SHISAL2B: variants seen among roughly 807,000 people sequenced by gnomAD.
SHISAL2B encodes shisa like 2B, also known as protein shisa-like-2B.
In SHISAL2B, 12 loss-of-function variants were observed where a neutral mutation model predicts 16.5. The observed-to-expected ratio is 0.73, with a 90% CI of 0.47 to 1.18. The LOEUF is 1.18. SHISAL2B is among the 50% of genes most tolerant of loss of function. SHISAL2B has a pLI of 0.00. For synonymous variants in SHISAL2B, 72 were observed against 75.0 expected (o/e 0.96, Z 0.21); for missense variants, 183 against 193.6 (o/e 0.95, Z 0.33).
At chr5:64,711,367 C>G (rs1014723355) in intron 2 of SHISAL2B, among the ~76,000 whole-genome samples, 2 of 150,040 alleles carry the variant, frequency 1.3e-5, no homozygotes, top group African/African-American at 5.1e-5. Context: ...TTGAACCAGC[C>G]TTGCATCCCA....
chr5:64,705,633 T>G (rs1216294094), intron 2 of SHISAL2B, among the ~76,000 whole-genome samples: 1 of 152,148 alleles, frequency 6.6e-6, no homozygotes, highest in Admixed American at 6.5e-5. Flanking sequence ...AGAGTAAAAA[T>G]AATATTAAAC....
At chr5:64,696,323 A>G (rs1020228155) in intron 2 of SHISAL2B, among the ~76,000 whole-genome samples, 2 of 152,250 alleles carry the variant, frequency 1.3e-5, no homozygotes, top group African/African-American at 4.8e-5. Flanking sequence ...GTTAAACTGT[A>G]CAAATTGATT....
At chr5:64,709,961 G>A (rs1420722084) in intron 2 of SHISAL2B, among the ~76,000 whole-genome samples, 17 of 150,306 alleles carry the variant, frequency 1.1e-4, no homozygotes, top group East Asian at 5.9e-4. Context: ...AGTAGGTTGC[G>A]AAAATTTTCT....
In SHISAL2B at chr5:64,692,202, C is replaced by T. The variant is rs368085124; in HGVS notation, c.191+1388C>T. Among the ~76,000 whole-genome samples the T allele has an allele frequency of 2.0e-4, 30 of 152,274 alleles. No homozygotes were observed. In the East Asian group the frequency reaches 2.5e-3, roughly 13 times the overall value. ...TAATCTATCTCTGGGTCATTGGAGGCGTTACTAATGGCAGAAGCACCTCCA... is the reference window on the plus strand; with the variant it reads ...TAATCTATCTCTGGGTCATTGGAGGTGTTACTAATGGCAGAAGCACCTCCA... On this transcript the variant is annotated intron_variant, in intron 1 of 2. Coordinates refer to ENST00000389074, the MANE Select transcript of SHISAL2B (RefSeq NM_001164442.2).
chr5:64,713,337 T>C (rs1741986406), intron 2 of SHISAL2B, among the ~76,000 whole-genome samples: 1 of 113,272 alleles, frequency 8.8e-6, no homozygotes, highest in African/African-American at 4.7e-5. Context: ...GGGTTGAAAA[T>C]TCTTTTCTTT....
intron 2 of SHISAL2B, among the ~76,000 whole-genome samples, chr5:64,701,602 C>T (rs1309828471): frequency 6.6e-6 from 1 of 151,818 alleles, no homozygotes; most frequent in Admixed American, 6.6e-5. Flanking sequence ...ATTAGAAGGG[C>T]AAATATTAGT....
intron 2 of SHISAL2B, among the ~76,000 whole-genome samples, chr5:64,700,072 G>C (rs1486886610): frequency 6.6e-6 from 1 of 152,154 alleles, no homozygotes; most frequent in East Asian, 1.9e-4. Flanking sequence ...ATGTTTAAAA[G>C]AATACCATTG....
intron 2 of SHISAL2B, 106 bp downstream of exon 2, chr5:64,695,770 A>C (rs1473973380): frequency 2.2e-5 from 18 of 830,256 alleles, no homozygotes; most frequent in Middle Eastern, 3.4e-4. Flanking sequence ...TTAAAAATTC[A>C]GTTCACTATG....
At chr5:64,699,629 A>G (rs1005727625) in intron 2 of SHISAL2B, among the ~76,000 whole-genome samples, 1 of 152,188 alleles carries the variant, frequency 6.6e-6, no homozygotes, top group African/African-American at 2.4e-5. Flanking sequence ...TTCCTTTCTC[A>G]TGGGTCAGCC....
chr5:64,714,622 GGCGCCCCTCCCCCA>G (rs1742014296), intron 2 of SHISAL2B, among the ~76,000 whole-genome samples: 1 of 152,146 alleles, frequency 6.6e-6, no homozygotes, highest in Non-Finnish European at 1.5e-5. Flanking sequence ...GGCAATGGTG[GGCGCCCCTCCCCCA>G]GCCTGGCTGC....
chr5:64,715,907 A>G (rs1022572007), intron 2 of SHISAL2B, among the ~76,000 whole-genome samples: 53 of 152,338 alleles, frequency 3.5e-4, no homozygotes, highest in African/African-American at 1.3e-3. Flanking sequence ...TAACCAGTGA[A>G]GAAGATGTCT....
chr5:64,712,798 CTTCT>C (rs1317039234), intron 2 of SHISAL2B, among the ~76,000 whole-genome samples: 6 of 151,674 alleles, frequency 4.0e-5, no homozygotes, highest in African/African-American at 7.3e-5. Flanking sequence ...ATGTAATGGC[CTTCT>C]TTGTCTCTTT....
intron 1 of SHISAL2B, among the ~76,000 whole-genome samples, chr5:64,694,479 G>T (rs1487722593): frequency 1.3e-5 from 2 of 152,164 alleles, no homozygotes; most frequent in Non-Finnish European, 2.9e-5. Flanking sequence ...GTGGTATTAA[G>T]TTCACAGGCT....
At position 64,690,529 on chromosome 5, in the gene SHISAL2B, C is replaced by T. The variant is rs1168023710; in HGVS notation, c.-95C>T. 19 of 1,061,080 alleles carry T rather than the reference C, an allele frequency of 1.8e-5. No homozygotes were observed. The East Asian group carries it at 1.8e-4, about 10-fold the overall frequency. The allele number at this position is 1,061,080 out of a possible 1,614,324, so 65.7% of individuals were successfully genotyped here. On this transcript the variant is annotated 5_prime_UTR_variant, in exon 1 of 3. Transcript: ENST00000389074. ...GAGCCCAGATCGGAAGAGCCGAGTC[C>T]GGGCAGAGGGGTCCGCGGGCTCTGG...
chr5:64,708,782 T>C (rs1344975904), intron 2 of SHISAL2B, among the ~76,000 whole-genome samples: 2 of 152,158 alleles, frequency 1.3e-5, no homozygotes, highest in Non-Finnish European at 2.9e-5. Context: ...GGCTAGTAAA[T>C]GCTGTGCCTA....
intron 2 of SHISAL2B, among the ~76,000 whole-genome samples, chr5:64,696,627 T>C (rs1741740406): frequency 6.6e-6 from 1 of 152,146 alleles, no homozygotes; most frequent in South Asian, 2.1e-4. Context: ...GTCTGTCTTA[T>C]GTGGTTGAGA....
intron 2 of SHISAL2B, among the ~76,000 whole-genome samples, chr5:64,700,276 A>G (rs1213939993): frequency 6.6e-6 from 1 of 152,136 alleles, no homozygotes; most frequent in African/African-American, 2.4e-5. Flanking sequence ...CCTTAAATGT[A>G]TACAGTTGTC....
chr5:64,710,076 ATTGCTT>A (rs1741937760), intron 2 of SHISAL2B, among the ~76,000 whole-genome samples: 1 of 146,180 alleles, frequency 6.8e-6, no homozygotes, highest in South Asian at 2.3e-4. Context: ...TTTTGTTGCC[ATTGCTT>A]TTGGTGTTTT....
At chr5:64,695,778 A>C (rs1741724222) in intron 2 of SHISAL2B, 114 bp downstream of exon 2, 1 of 740,172 alleles carries the variant, frequency 1.4e-6, no homozygotes, top group Admixed American at 3.7e-5. Context: ...TCAGTTCACT[A>C]TGTGTCTCAC....
Sources: gnomAD v4.1 joint callset for allele counts (sites outside exome capture counted in the v4.1 genomes callset) on GRCh38, gnomAD v4.1.1 for gene constraint, MANE v1.5 for transcripts, NCBI Gene and HGNC (gene_info 2026-07-23, HGNC 2026-07-21) for gene names.